IWS1: variants seen among roughly 807,000 people sequenced by gnomAD.
The protein encoded by IWS1 is protein IWS1 homolog.
Under a neutral mutation model 86.7 loss-of-function variants are expected in IWS1, and 27 were observed. That is an observed-to-expected ratio of 0.31 (90% CI 0.23 to 0.43). The LOEUF (loss-of-function observed/expected upper bound fraction) is 0.43, where lower values mean the gene tolerates loss of function less well. Among genes scored for constraint, IWS1 ranks in the 20% least tolerant of loss-of-function variants. The pLI is 1.00. For missense variants in IWS1, 827 were observed against 1,000.8 expected, an observed-to-expected ratio of 0.83 and a Z score of 2.34; for synonymous variants, 313 against 335.1, an observed-to-expected ratio of 0.93 and a Z score of 0.72.
In IWS1 at chr2:127,494,966, A is replaced by G; in HGVS notation, c.1717-12T>C. The G allele has an allele frequency of 6.5e-7, 1 of 1,529,380 alleles. No individual in the cohort carries two copies. The highest frequency in any genetic ancestry group is 8.9e-7 in the Non-Finnish European group (1 of 1,126,506). The allele number at this position is 1,529,380 out of a possible 1,614,324, so 94.7% of individuals were successfully genotyped here. ...AACTGTCTGTCTTCCTATTCAGAAA[A>G]AAAATAAAGATTTTTTTTTAAAACA... is the stretch of plus-strand genomic sequence containing the variant. On this transcript the variant is annotated splice_polypyrimidine_tract_variant and intron_variant, in intron 7 of 13. Coordinates refer to ENST00000295321, the MANE Select transcript of IWS1 (RefSeq NM_017969.3).
intron 5 of IWS1, among the ~76,000 whole-genome samples, chr2:127,502,087 T>C (rs989915052): frequency 1.1e-4 from 17 of 152,208 alleles, no homozygotes; most frequent in African/African-American, 3.9e-4. Flanking sequence ...AATAAGTACA[T>C]ATGAAAAACT....
Position 127,495,987 on chromosome 2 carries a change from A to G in IWS1, c.1716+11T>C, listed in dbSNP as rs759751444. The G allele has an allele frequency of 6.2e-7, 1 of 1,602,634 alleles. No homozygotes were observed. Among genetic ancestry groups the G allele is most frequent in the Non-Finnish European group, 8.5e-7 (1 of 1,174,942 alleles). ...GGAAAAAAAGGTGAACCTAGAAGCGACCCAGCTCACCTCAGCAGCTTCATT... is the reference window on the plus strand; with the variant it reads ...GGAAAAAAAGGTGAACCTAGAAGCGGCCCAGCTCACCTCAGCAGCTTCATT... On this transcript the variant is annotated intron_variant, in intron 7 of 13. Transcript: ENST00000295321.
chr2:127,486,889 T>C (rs1689957345), intron 12 of IWS1, among the ~76,000 whole-genome samples: 1 of 152,206 alleles, frequency 6.6e-6, no homozygotes, highest in Non-Finnish European at 1.5e-5. Context: ...CAAAGCCAAC[T>C]TGCTCTGCAT....
intron 9 of IWS1, 136 bp from the exon 10 acceptor site, chr2:127,492,224 C>A (rs1464936872): frequency 1.6e-6 from 1 of 624,690 alleles, no homozygotes; most frequent in South Asian, 1.9e-5. Context: ...ACATAGAACA[C>A]AAAGATACTT....
At chr2:127,526,661 C>T (rs1323752428), upstream of IWS1, 1 of 1,320,836 alleles carries the variant, frequency 7.6e-7, no homozygotes, top group Non-Finnish European at 1.0e-6. Flanking sequence ...CCTGGTCTGA[C>T]CCCCGTGGTA....
At position 127,515,061 on chromosome 2, in the gene IWS1, T is replaced by C. The variant is rs149191878; in HGVS notation, c.150+8615A>G. The stretch of plus-strand genomic sequence containing the variant: ...TTTGAAAGCAATTCCAATAGCTGCA[T>C]TGCCATTTTTATAAATGTTCTATTT... On this transcript the variant is annotated intron_variant, in intron 2 of 13. Transcript: ENST00000295321. 5 of 152,384 alleles carry C rather than the reference T, an allele frequency of 3.3e-5. No individual in the cohort carries two copies. In the East Asian group the frequency reaches 7.7e-4, roughly 23 times the overall value. The allele number at this position is 152,384 out of a possible 1,614,324, so 9.4% of individuals were successfully genotyped here.
Position 127,498,280 on chromosome 2 carries a change from G to A in IWS1, c.1468-43C>T, listed in dbSNP as rs747580685. The A allele has an allele frequency of 4.5e-6, 7 of 1,566,814 alleles. No homozygotes were observed. The South Asian group carries it at 8.2e-5, about 18-fold the overall frequency. On this transcript the variant is annotated intron_variant, in intron 5 of 13. Coordinates refer to ENST00000295321, the MANE Select transcript of IWS1 (RefSeq NM_017969.3). The stretch of plus-strand genomic sequence containing the variant: ...ACAACCTCCTTACAGATTTTCTTCT[G>A]TATTAAGTGTTCTTAATATTTTGCA...
intron 2 of IWS1, among the ~76,000 whole-genome samples, chr2:127,510,581 C>T (rs1356432789): frequency 6.6e-6 from 1 of 152,140 alleles, no homozygotes; most frequent in East Asian, 1.9e-4. Context: ...TAGCCTTGAA[C>T]TCCTGGGCCC....
chr2:127,498,109 T>C (rs201389881), intron 6 of IWS1, 31 bp downstream of exon 6: 1 of 1,511,690 alleles, frequency 6.6e-7, no homozygotes, highest in East Asian at 2.3e-5. Flanking sequence ...TTTAAACTTC[T>C]CTTTAACAAA....
rs1216566670 is a variant in IWS1, at chr2:127,489,329, T to C, written c.2160-94A>G. On this transcript the variant is annotated intron_variant, in intron 11 of 13. Coordinates refer to ENST00000295321, the MANE Select transcript of IWS1 (RefSeq NM_017969.3). This position sits in a 1 kb window ranked among gnomAD's most constrained non-coding sequence, Gnocchi z 4.8. Reference sequence around the variant, plus strand: ...AAAAATCAAACTTAGACCATAACTATTAATAGCTCTTTTACGATGGATCAG... The same window carrying C: ...AAAAATCAAACTTAGACCATAACTACTAATAGCTCTTTTACGATGGATCAG... 2.5e-6 allele frequency: 2 copies of C among 794,432 alleles called. No individual in the cohort carries two copies. Among genetic ancestry groups the C allele is most frequent in the Non-Finnish European group, 4.2e-6 (2 of 472,568 alleles). The allele number at this position is 794,432 out of a possible 1,614,324, so 49.2% of individuals were successfully genotyped here.
chr2:127,522,637 A>C (rs1692161859), intron 2 of IWS1, among the ~76,000 whole-genome samples: 1 of 152,238 alleles, frequency 6.6e-6, no homozygotes, highest in Non-Finnish European at 1.5e-5. Context: ...CCTACTAAAA[A>C]TTGGACAATT....
At chr2:127,492,442 A>T (rs1336493131) in intron 9 of IWS1, among the ~76,000 whole-genome samples, 1 of 152,052 alleles carries the variant, frequency 6.6e-6, no homozygotes. Context: ...GCTACTCGGG[A>T]GGCTGAGGCA....
In IWS1 at chr2:127,504,901, G is replaced by A. The variant is rs1358240395; in HGVS notation, c.1002C>T (p.Asp334=). The A allele has an allele frequency of 1.2e-6, 2 of 1,614,072 alleles. No homozygotes were observed. Among genetic ancestry groups the A allele is most frequent in the Non-Finnish European group, 1.7e-6 (2 of 1,180,028 alleles). ...CTGTATCCTCTCCCTTATTCTCCCT[G>A]TCGCTGTCATCATCTGACTCTGGCT... ...KQKPESDDDS[D]RENKGEDTEM... is the part of the protein sequence containing the mutation. The change falls in exon 3 of 14, where the codon GAC becomes GAT. Residue 334 remains aspartate, a synonymous_variant. Coordinates refer to ENST00000295321, the MANE Select transcript of IWS1 (RefSeq NM_017969.3).
chr2:127,498,856 A>G (rs1278223470), intron 5 of IWS1: 1 of 152,172 alleles, frequency 6.6e-6, no homozygotes, highest in African/African-American at 2.4e-5. Context: ...TTTTCTTACT[A>G]TGGGGGTAAC....
intron 13 of IWS1, chr2:127,482,822 A>T (rs1373047775): frequency 1.3e-5 from 2 of 152,216 alleles, no homozygotes; most frequent in Non-Finnish European, 2.9e-5. Flanking sequence ...CTCCTGATTC[A>T]TCAAGGGAAC....
intron 2 of IWS1, among the ~76,000 whole-genome samples, chr2:127,509,285 G>A (rs1273137926): frequency 6.6e-6 from 1 of 152,102 alleles, no homozygotes. Context: ...TTTTTTAAAA[G>A]TCAGATGAGT....
In IWS1 at chr2:127,494,971, TAAAG is replaced by T; in HGVS notation, c.1717-21_1717-18del. On this transcript the variant is annotated intron_variant, in intron 7 of 13. Coordinates refer to ENST00000295321, the MANE Select transcript of IWS1 (RefSeq NM_017969.3). ...TCTGTCTTCCTATTCAGAAAAAAAA[TAAAG>T]ATTTTTTTTTAAAACAGTACTTTTT... The T allele has an allele frequency of 1.3e-6, 2 of 1,502,854 alleles. No homozygotes were observed. The highest frequency in any genetic ancestry group is 1.8e-6 in the Non-Finnish European group (2 of 1,103,110). 93.1% of individuals were successfully genotyped at this position (1,502,854 alleles called of 1,614,324 possible).
At chr2:127,508,174 G>A (rs1316980549) in intron 2 of IWS1, among the ~76,000 whole-genome samples, 4 of 152,142 alleles carry the variant, frequency 2.6e-5, no homozygotes, top group Non-Finnish European at 5.9e-5. Context: ...TGTCTACTAC[G>A]TGCAAGACAC....
At chr2:127,494,092 C>T (rs905354065) in intron 8 of IWS1, among the ~76,000 whole-genome samples, 2 of 151,818 alleles carry the variant, frequency 1.3e-5, no homozygotes, top group African/African-American at 4.8e-5. Flanking sequence ...AGCAAGGTTG[C>T]TCAGAAATAT....
Sources: allele counts gnomAD v4.1 joint callset (sites outside exome capture counted in the v4.1 genomes callset), GRCh38; gene constraint gnomAD v4.1.1; non-coding constraint Gnocchi (gnomAD v3.1); transcripts MANE v1.5; gene names NCBI Gene and HGNC (gene_info 2026-07-23, HGNC 2026-07-21).